Variants in DNAJC1 observed in about 807,000 individuals in gnomAD.
The protein encoded by DNAJC1 is dnaJ homolog subfamily C member 1.
Under a neutral mutation model 76.6 loss-of-function variants are expected in DNAJC1, and 58 were observed. The ratio of observed to expected loss-of-function variants is 0.76; its 90% CI spans 0.61 to 0.94. The LOEUF (loss-of-function observed/expected upper bound fraction) is 0.94. DNAJC1 is among the 40% of genes least tolerant of loss of function. DNAJC1 has a pLI of 0.00. For synonymous variants in DNAJC1, 258 were observed against 267.9 expected, an observed-to-expected ratio of 0.96 and a Z score of 0.36; for missense variants, 689 against 677.3, an observed-to-expected ratio of 1.02 and a Z score of -0.19.
intron 8 of DNAJC1, among the ~76,000 whole-genome samples, chr10:21,820,271 G>C (rs2131658406): frequency 6.6e-6 from 1 of 152,174 alleles, no homozygotes; most frequent in African/African-American, 2.4e-5. Flanking sequence ...TTTTACTGCT[G>C]AAAAATATTC....
At chr10:21,757,805 C>T (rs1038629009) in intron 11 of DNAJC1, among the ~76,000 whole-genome samples, 3 of 152,220 alleles carry the variant, frequency 2.0e-5, no homozygotes, top group African/African-American at 7.2e-5. Flanking sequence ...GCTCTCAAGT[C>T]AAGGCTTGAG....
intron 3 of DNAJC1, 105 bp from the exon 4 acceptor site, chr10:21,921,068 AATAG>A (rs1484414931): frequency 1.0e-6 from 1 of 994,114 alleles, no homozygotes; most frequent in African/African-American, 1.7e-5. Context: ...AATTATCCAA[AATAG>A]ATAATGTTTA....
intron 1 of DNAJC1, among the ~76,000 whole-genome samples, chr10:21,942,073 AGC>A (rs781639052): frequency 3.7e-4 from 57 of 152,314 alleles, no homozygotes; most frequent in Middle Eastern, 3.4e-3. Flanking sequence ...ACATATACTG[AGC>A]TCCCTTATCA....
At chr10:21,777,798 A>G (rs1388680294) in intron 9 of DNAJC1, among the ~76,000 whole-genome samples, 3 of 152,224 alleles carry the variant, frequency 2.0e-5, no homozygotes, top group African/African-American at 7.2e-5. Context: ...TCTGTAACAA[A>G]AGTGATAATG....
At chr10:21,883,211 C>T (rs916372922) in intron 7 of DNAJC1, among the ~76,000 whole-genome samples, 6 of 151,056 alleles carry the variant, frequency 4.0e-5, no homozygotes, top group Non-Finnish European at 8.8e-5. Context: ...GATCACACCA[C>T]TGCATTCCAG....
chr10:21,800,311 T>C (rs1489610896), intron 9 of DNAJC1, among the ~76,000 whole-genome samples: 4 of 152,212 alleles, frequency 2.6e-5, no homozygotes, highest in Middle Eastern at 3.2e-3. Flanking sequence ...TGACCTCTCA[T>C]ATACCACTAG....
At chr10:21,888,499 T>C (rs758379229) in intron 7 of DNAJC1, among the ~76,000 whole-genome samples, 1 of 152,148 alleles carries the variant, frequency 6.6e-6, no homozygotes, top group Non-Finnish European at 1.5e-5. Flanking sequence ...TGCCCATCAA[T>C]TAGCAATTTG....
intron 8 of DNAJC1, chr10:21,865,600 G>A (rs1437875403): frequency 6.6e-6 from 1 of 152,102 alleles, no homozygotes; most frequent in Non-Finnish European, 1.5e-5. Flanking sequence ...GGGTTGTAAA[G>A]ACACTTGTGA....
intron 8 of DNAJC1, among the ~76,000 whole-genome samples, chr10:21,857,264 C>T (rs1375384362): frequency 6.6e-6 from 1 of 151,992 alleles, no homozygotes; most frequent in Non-Finnish European, 1.5e-5. Flanking sequence ...TTGTTGAATA[C>T]TTTTCAGGAC....
intron 9 of DNAJC1, among the ~76,000 whole-genome samples, chr10:21,794,348 A>G (rs1247121100): frequency 6.6e-6 from 1 of 152,040 alleles, no homozygotes; most frequent in Non-Finnish European, 1.5e-5. Context: ...AATACATTTA[A>G]TAAAAGAAGA....
intron 7 of DNAJC1, among the ~76,000 whole-genome samples, chr10:21,892,472 A>G (rs1836476413): frequency 1.3e-5 from 2 of 151,898 alleles, no homozygotes; most frequent in Non-Finnish European, 2.9e-5. Flanking sequence ...AGAGAGAAAT[A>G]ATAGAAAATA....
intron 9 of DNAJC1, among the ~76,000 whole-genome samples, chr10:21,772,238 C>T (rs1221098927): frequency 7.1e-6 from 1 of 141,584 alleles, no homozygotes; most frequent in African/African-American, 2.6e-5. Flanking sequence ...ATACTGCCAT[C>T]ATAAAATGAG....
At chr10:21,821,687 T>C (rs1053017311) in intron 8 of DNAJC1, among the ~76,000 whole-genome samples, 1 of 152,134 alleles carries the variant, frequency 6.6e-6, no homozygotes, top group African/African-American at 2.4e-5. Flanking sequence ...AAATGAACAT[T>C]TCTTGCTTTA....
chr10:21,946,840 G>A (rs145857101), intron 1 of DNAJC1, among the ~76,000 whole-genome samples: 1 of 152,276 alleles, frequency 6.6e-6, no homozygotes, highest in East Asian at 1.9e-4. Flanking sequence ...CTGAAAGCAT[G>A]TGTTGGAAAC....
chr10:21,831,060 C>T (rs188494554), intron 8 of DNAJC1, among the ~76,000 whole-genome samples: 24 of 152,226 alleles, frequency 1.6e-4, no homozygotes, highest in African/African-American at 4.1e-4. Context: ...GCTGACTACC[C>T]TCAAAGTTTA....
rs551987969 is a variant in DNAJC1, at chr10:21,785,000, T to C, written c.1099-18691A>G. ...CACCAACATGGCACATGGACACATA[T>C]GTAACAAACCTGCATGTTGTGCACA... On this transcript the variant is annotated intron_variant, in intron 9 of 11. Coordinates refer to ENST00000376980, the MANE Select transcript of DNAJC1 (RefSeq NM_022365.4). 2.6e-5 allele frequency among the ~76,000 whole-genome samples: 4 copies of C among 152,172 alleles called. No homozygotes were observed. In the South Asian group the frequency reaches 8.3e-4, roughly 32 times the overall value.
chr10:21,882,312 CA>C lies in DNAJC1; in HGVS notation c.947del (p.Leu316TrpfsTer23), dbSNP rs1403074874. ...EEIEEQMDDW[L>X]ENRNRTQKKQ... ...TTTTCTGTGTTCGGTTCCTGTTTTCCAACCAATCATCCATTTGTTCCTCAAT... is the reference window on the plus strand; with the variant it reads ...TTTTCTGTGTTCGGTTCCTGTTTTCCACCAATCATCCATTTGTTCCTCAAT... On this transcript the variant is annotated frameshift_variant, in exon 8 of 12. Transcript: ENST00000376980. LOFTEE classifies it high-confidence loss of function. 4 of 1,596,796 alleles carry C rather than the reference CA, an allele frequency of 2.5e-6. No individual in the cohort carries two copies. Among genetic ancestry groups the C allele is most frequent in the Non-Finnish European group, 3.4e-6 (4 of 1,175,628 alleles).
At position 21,756,644 on chromosome 10, in the gene DNAJC1, A is replaced by G. The variant is rs373604249; in HGVS notation, c.*43T>C. ...AATTTCTGCATAAGATTTTTAAGATATTCATTTTGGAAAATGAAGGTGAAC... is the reference window on the plus strand; with the variant it reads ...AATTTCTGCATAAGATTTTTAAGATGTTCATTTTGGAAAATGAAGGTGAAC... On this transcript the variant is annotated 3_prime_UTR_variant, in exon 12 of 12. Transcript: ENST00000376980. 3.1e-5 allele frequency: 46 copies of G among 1,464,448 alleles called. No individual in the cohort carries two copies. The African/African-American group carries it at 5.4e-4, about 17-fold the overall frequency. 90.7% of individuals were successfully genotyped at this position (1,464,448 alleles called of 1,614,324 possible).
chr10:21,911,021 AAG>A (rs1376159905), intron 6 of DNAJC1, among the ~76,000 whole-genome samples: 9 of 138,322 alleles, frequency 6.5e-5, no homozygotes, highest in African/African-American at 2.5e-4. Context: ...GAAAGAGAAA[AAG>A]AGAAAGAAAG....
Sources: gnomAD v4.1 joint callset for allele counts (sites outside exome capture counted in the v4.1 genomes callset) on GRCh38, gnomAD v4.1.1 for gene constraint, MANE v1.5 for transcripts, NCBI Gene and HGNC (gene_info 2026-07-23, HGNC 2026-07-21) for gene names.